Variants in CARMIL1 observed in about 807,000 individuals in gnomAD.
The protein encoded by CARMIL1 is F-actin-uncapping protein LRRC16A.
CARMIL1 carries 90 observed loss-of-function variants against 177.1 expected under a neutral mutation model. The ratio of observed to expected loss-of-function variants is 0.51; its 90% CI spans 0.43 to 0.61. The LOEUF (loss-of-function observed/expected upper bound fraction) is 0.61. Ranked by LOEUF, CARMIL1 falls within the 20% of genes least tolerant of loss-of-function variation. CARMIL1 has a pLI of 0.00. For missense variants in CARMIL1, 1,380 were observed against 1,667.0 expected (o/e 0.83, Z 3.00); for synonymous variants, 577 against 606.2 (o/e 0.95, Z 0.71).
At chr6:25,418,046 G>T (rs766016659) in intron 2 of CARMIL1, among the ~76,000 whole-genome samples, 1 of 152,212 alleles carries the variant, frequency 6.6e-6, no homozygotes, top group East Asian at 1.9e-4. Context: ...GTAATAACAT[G>T]TAGACATATT....
chr6:25,494,871 T>C (rs1322647933), intron 15 of CARMIL1, among the ~76,000 whole-genome samples: 4 of 152,248 alleles, frequency 2.6e-5, no homozygotes, highest in African/African-American at 9.6e-5. Context: ...AATGAATTCA[T>C]TGGCTATGAA....
At chr6:25,349,166 C>T (rs1364577944) in intron 2 of CARMIL1, among the ~76,000 whole-genome samples, 1 of 152,178 alleles carries the variant, frequency 6.6e-6, no homozygotes, top group Non-Finnish European at 1.5e-5. Context: ...CTGGACAGGG[C>T]TCCATTCCAC....
intron 8 of CARMIL1, 177 bp from the exon 9 acceptor site, chr6:25,465,696 T>C: frequency 1.8e-6 from 1 of 570,034 alleles, no homozygotes; most frequent in Non-Finnish European, 3.1e-6. Context: ...ACTTCAACTT[T>C]TGGGAACTTT....
chr6:25,421,111 C>T (rs1581881972), intron 3 of CARMIL1, among the ~76,000 whole-genome samples: 1 of 152,346 alleles, frequency 6.6e-6, no homozygotes, highest in Admixed American at 6.5e-5. Flanking sequence ...AAAGCCTCTG[C>T]TTCTGTTATT....
rs1362026466 is a variant in CARMIL1 at position 25,413,152 on chromosome 6, G to GGT, written c.139-6961_139-6960dup. ...ACCACCTGCCCTTCTCCCTCACCTA[G>GGT]GTATATGTCTTGGATTAATGAGGTT... is the stretch of plus-strand genomic sequence containing the variant. On this transcript the variant is annotated intron_variant, in intron 2 of 36. Transcript: ENST00000329474. Among the ~76,000 whole-genome samples the GGT allele has an allele frequency of 5.3e-5, 6 of 113,532 alleles. No homozygotes were observed. The South Asian group carries it at 8.4e-4, about 16-fold the overall frequency. 74.5% of individuals were successfully genotyped at this position (113,532 alleles called of 152,430 possible).
At chr6:25,543,676 TA>T (rs1809131192) in intron 26 of CARMIL1, among the ~76,000 whole-genome samples, 1 of 152,148 alleles carries the variant, frequency 6.6e-6, no homozygotes, top group South Asian at 2.1e-4. Flanking sequence ...TTACTTATGA[TA>T]TGAGGCCTGA....
At chr6:25,559,141 A>G (rs931965320) in intron 29 of CARMIL1, among the ~76,000 whole-genome samples, 2 of 152,154 alleles carry the variant, frequency 1.3e-5, no homozygotes, top group African/African-American at 4.8e-5. Context: ...CCGAAGTGCA[A>G]GGATCCCTCT....
intron 28 of CARMIL1, among the ~76,000 whole-genome samples, chr6:25,556,083 G>A (rs1441255836): frequency 6.6e-6 from 1 of 152,152 alleles, no homozygotes; most frequent in African/African-American, 2.4e-5. Flanking sequence ...ACTTAAGTTT[G>A]TAAACGTTCT....
chr6:25,580,782 C>CG, intron 29 of CARMIL1, 142 bp from the exon 30 acceptor site: 1 of 638,234 alleles, frequency 1.6e-6, no homozygotes, highest in Non-Finnish European at 2.7e-6. Context: ...AGTTTGGTCT[C>CG]TTCAGTTAGG....
At chr6:25,427,686 G>A (rs535574659) in intron 4 of CARMIL1, among the ~76,000 whole-genome samples, 43 of 152,278 alleles carry the variant, frequency 2.8e-4, no homozygotes, top group Middle Eastern at 3.4e-3. Flanking sequence ...CAGCATATGA[G>A]AGTTGTAGTC....
chr6:25,517,307 T>G (rs953832517), intron 21 of CARMIL1, 40 bp from the exon 22 acceptor site: 2 of 1,485,982 alleles, frequency 1.3e-6, no homozygotes, highest in Non-Finnish European at 1.9e-6. Flanking sequence ...ATCATTTTCT[T>G]TAAGTGTCTG....
intron 2 of CARMIL1, among the ~76,000 whole-genome samples, chr6:25,293,811 A>G (rs1342914111): frequency 1.3e-5 from 2 of 151,276 alleles, no homozygotes; most frequent in Admixed American, 1.3e-4. Flanking sequence ...AACCTGTGCC[A>G]CCCAGGCTCA....
chr6:25,342,686 A>T (rs1035152719), intron 2 of CARMIL1, among the ~76,000 whole-genome samples: 1 of 152,084 alleles, frequency 6.6e-6, no homozygotes. Flanking sequence ...TTTCATTTTC[A>T]TCTTATTTTT....
In CARMIL1 at chr6:25,515,337, T is replaced by C. The variant is rs1001603734; in HGVS notation, c.1633-338T>C. ...AAAATAAAATGGGTATAAAGGGTGA[T>C]CATATTAAGCTGAGAAATTTTTGTT... is the stretch of plus-strand genomic sequence containing the variant. On this transcript the variant is annotated intron_variant, in intron 20 of 36. Coordinates refer to ENST00000329474, the MANE Select transcript of CARMIL1 (RefSeq NM_017640.6). This position sits in a 1 kb window ranked among gnomAD's most constrained non-coding sequence, Gnocchi z 5.0. Among the ~76,000 whole-genome samples, 1 of 144,750 alleles carries C rather than the reference T, an allele frequency of 6.9e-6. No individual in the cohort carries two copies. Among genetic ancestry groups the C allele is most frequent in the African/African-American group, 2.6e-5 (1 of 38,534 alleles). 95.0% of individuals were successfully genotyped at this position (144,750 alleles called of 152,430 possible).
At chr6:25,460,461 C>T (rs1048373886) in intron 8 of CARMIL1, among the ~76,000 whole-genome samples, 2 of 152,106 alleles carry the variant, frequency 1.3e-5, no homozygotes, top group African/African-American at 4.8e-5. Flanking sequence ...CATGTTTGTT[C>T]TGGCTGTCAT....
chr6:25,342,819 T>C (rs1787077750), intron 2 of CARMIL1, among the ~76,000 whole-genome samples: 1 of 152,230 alleles, frequency 6.6e-6, no homozygotes, highest in African/African-American at 2.4e-5. Flanking sequence ...TTTCCAGCTC[T>C]AAAATTATAG....
At chr6:25,459,273 T>TCTTTC (rs1390647134) in intron 8 of CARMIL1, among the ~76,000 whole-genome samples, 6 of 132,836 alleles carry the variant, frequency 4.5e-5, no homozygotes, top group East Asian at 2.3e-4. Flanking sequence ...TTTCTTTTTT[T>TCTTTC]TTTTTTTAAG....
At chr6:25,446,156 G>C (rs1354196409) in intron 5 of CARMIL1, among the ~76,000 whole-genome samples, 1 of 152,132 alleles carries the variant, frequency 6.6e-6, no homozygotes. Context: ...GCACTGATTG[G>C]CCTCAACTTA....
intron 2 of CARMIL1, among the ~76,000 whole-genome samples, chr6:25,366,034 T>A (rs1377425721): frequency 6.6e-6 from 1 of 152,180 alleles, no homozygotes; most frequent in African/African-American, 2.4e-5. Context: ...TGTCTTGCTC[T>A]GTTGCTCAGG....
Sources: allele counts gnomAD v4.1 joint callset (sites outside exome capture counted in the v4.1 genomes callset), GRCh38; gene constraint gnomAD v4.1.1; non-coding constraint Gnocchi (gnomAD v3.1); transcripts MANE v1.5; gene names NCBI Gene and HGNC (gene_info 2026-07-23, HGNC 2026-07-21).